The following CRACD variants were observed in gnomAD, a reference collection of about 807,000 sequenced individuals.
CRACD encodes the protein capping protein-inhibiting regulator of actin dynamics.
A neutral mutation model predicts 106.8 loss-of-function variants in CRACD; 56 were observed. That is an observed-to-expected ratio of 0.52 (90% CI 0.42 to 0.66). The LOEUF is 0.66. Ranked by LOEUF, CRACD falls within the 30% of genes least tolerant of loss-of-function variation. CRACD has a pLI of 0.00. For missense variants in CRACD, 1,730 were observed against 1,623.2 expected, an observed-to-expected ratio of 1.07 and a Z score of -1.13; for synonymous variants, 754 against 670.8, an observed-to-expected ratio of 1.12 and a Z score of -1.92.
chr4:56,213,987 G>T (rs1738535025), intron 2 of CRACD, among the ~76,000 whole-genome samples: 1 of 152,188 alleles, frequency 6.6e-6, no homozygotes, highest in African/African-American at 2.4e-5. Context: ...AGGGTAGAAA[G>T]GGTGAGAAAC....
intron 2 of CRACD, among the ~76,000 whole-genome samples, chr4:56,198,098 A>G (rs1252853731): frequency 6.6e-6 from 1 of 152,156 alleles, no homozygotes; most frequent in Non-Finnish European, 1.5e-5. Context: ...TGTGTGATTC[A>G]TCTGCACAGT....
chr4:56,054,956 G>A (rs907499971), intron 1 of CRACD, among the ~76,000 whole-genome samples: 2 of 152,206 alleles, frequency 1.3e-5, no homozygotes, highest in African/African-American at 2.4e-5. Context: ...CGAAAAACTT[G>A]CTTTTGAAAC....
intron 4 of CRACD, among the ~76,000 whole-genome samples, chr4:56,306,473 A>G (rs1744709651): frequency 6.6e-6 from 1 of 152,166 alleles, no homozygotes; most frequent in African/African-American, 2.4e-5. Flanking sequence ...AAATTGGGCC[A>G]CTGCACTCCA....
intron 1 of CRACD, among the ~76,000 whole-genome samples, chr4:56,120,291 C>G (rs777367849): frequency 6.6e-6 from 1 of 152,060 alleles, no homozygotes; most frequent in Non-Finnish European, 1.5e-5. Context: ...CTTGTCATTC[C>G]TTTGAATAGC....
At chr4:56,169,833 A>G (rs7697027) in intron 1 of CRACD, among the ~76,000 whole-genome samples, 114,201 of 152,038 alleles carry the variant, frequency 0.75, 43,708 homozygotes, top group African/African-American at 0.89. Context: ...TTCTGCAGCC[A>G]AGTATCAGGG....
chr4:56,218,961 G>A (rs1410765901), intron 2 of CRACD, among the ~76,000 whole-genome samples: 1 of 152,168 alleles, frequency 6.6e-6, no homozygotes, highest in African/African-American at 2.4e-5. Flanking sequence ...AGAGTAGCCT[G>A]TTGTGCCTTT....
At chr4:56,088,992 T>C (rs1733327401) in intron 1 of CRACD, among the ~76,000 whole-genome samples, 1 of 152,240 alleles carries the variant, frequency 6.6e-6, no homozygotes, top group Non-Finnish European at 1.5e-5. Flanking sequence ...CCCAAAGTGC[T>C]GGGATTATAG....
chr4:56,160,484 A>G (rs977197542), intron 1 of CRACD, among the ~76,000 whole-genome samples: 2 of 152,168 alleles, frequency 1.3e-5, no homozygotes, highest in Non-Finnish European at 2.9e-5. Context: ...GTGCCTGGCC[A>G]CTACCTGCTT....
intron 1 of CRACD, among the ~76,000 whole-genome samples, chr4:56,096,840 A>G (rs542616789): frequency 6.6e-6 from 1 of 152,334 alleles, no homozygotes; most frequent in South Asian, 2.1e-4. Flanking sequence ...GGAGATAAGT[A>G]GAGAAAACTT....
chr4:56,134,815 G>C (rs1021769901), intron 1 of CRACD, among the ~76,000 whole-genome samples: 4 of 152,178 alleles, frequency 2.6e-5, no homozygotes, highest in African/African-American at 9.7e-5. Flanking sequence ...GTATAGATCA[G>C]ATGTCAGGGA....
At chr4:56,231,213 G>A (rs576305205) in intron 2 of CRACD, among the ~76,000 whole-genome samples, 2 of 152,174 alleles carry the variant, frequency 1.3e-5, no homozygotes, top group South Asian at 4.2e-4. Flanking sequence ...GGTTTATCCT[G>A]GCTTTCTGTT....
chr4:56,322,921 C>T (rs756775388), intron 8 of CRACD, among the ~76,000 whole-genome samples: 1 of 152,076 alleles, frequency 6.6e-6, no homozygotes, highest in Non-Finnish European at 1.5e-5. Flanking sequence ...CCTAGCTACT[C>T]GCGAGGCTGA....
chr4:56,069,280 A>T (rs149176553), intron 1 of CRACD, among the ~76,000 whole-genome samples: 2 of 152,322 alleles, frequency 1.3e-5, no homozygotes, highest in African/African-American at 4.8e-5. Flanking sequence ...CCTGTTAGAC[A>T]TTGGCGTGTC....
chr4:56,319,140 C>G (rs1480678191), intron 8 of CRACD, among the ~76,000 whole-genome samples: 3 of 152,118 alleles, frequency 2.0e-5, no homozygotes, highest in Non-Finnish European at 2.9e-5. Flanking sequence ...TGCAGAACCT[C>G]CCATATGCTA....
chr4:56,091,002 T>C (rs2109820144), intron 1 of CRACD, among the ~76,000 whole-genome samples: 1 of 152,256 alleles, frequency 6.6e-6, no homozygotes, highest in African/African-American at 2.4e-5. Context: ...CTAGTTTGGG[T>C]TGAATTTCTG....
At chr4:56,151,728 A>G (rs1032212196) in intron 1 of CRACD, among the ~76,000 whole-genome samples, 2 of 151,834 alleles carry the variant, frequency 1.3e-5, no homozygotes, top group African/African-American at 4.8e-5. Context: ...CTAATCTGGA[A>G]CCATTCCTCA....
chr4:56,260,443 T>G (rs1741626942), intron 2 of CRACD, among the ~76,000 whole-genome samples: 1 of 152,220 alleles, frequency 6.6e-6, no homozygotes, highest in South Asian at 2.1e-4. Flanking sequence ...TAAGTATCGT[T>G]TAAGGACATG....
In CRACD at chr4:56,327,666, C is replaced by A. The variant is rs776017011; in HGVS notation, c.3564C>A (p.Pro1188=). 3.1e-6 allele frequency: 5 copies of A among 1,607,402 alleles called. No homozygotes were observed. The highest frequency in any genetic ancestry group is 4.2e-6 in the Non-Finnish European group (5 of 1,177,022). Residue 1188 remains proline (P), a synonymous_variant, in exon 11 of 11, where the codon CCC becomes CCA. Transcript: ENST00000682029. The part of the protein sequence containing the change: ...SVTVEISDSA[P]PAPLVKEVTK... The stretch of plus-strand genomic sequence containing the variant: ...CAGTGGAGATCTCCGACTCGGCTCC[C>A]CCAGCGCCGCTGGTAAAAGAAGTCA...
chr4:56,306,731 T>C (rs1289075237), intron 4 of CRACD, among the ~76,000 whole-genome samples: 1 of 152,166 alleles, frequency 6.6e-6, no homozygotes, highest in Non-Finnish European at 1.5e-5. Context: ...CTATTTAATC[T>C]TCCGAATTTC....
Sources: allele counts gnomAD v4.1 joint callset (sites outside exome capture counted in the v4.1 genomes callset), GRCh38; gene constraint gnomAD v4.1.1; transcripts MANE v1.5; gene names NCBI Gene and HGNC (gene_info 2026-07-23, HGNC 2026-07-21).